Variants in CDH23 observed in about 807,000 individuals in gnomAD.
CDH23 encodes the protein cadherin related 23.
In CDH23, 189 loss-of-function variants were observed where a neutral mutation model predicts 317.1. The observed-to-expected ratio is 0.60, with a 90% CI of 0.53 to 0.67. The LOEUF is 0.67. Ranked by LOEUF, CDH23 falls within the 30% of genes least tolerant of loss-of-function variation. The pLI is 0.00. For synonymous variants in CDH23, 1,839 were observed against 1,876.8 expected, an observed-to-expected ratio of 0.98 and a Z score of 0.52; for missense variants, 4,401 against 4,592.4, an observed-to-expected ratio of 0.96 and a Z score of 1.20.
intron 14 of CDH23, among the ~76,000 whole-genome samples, chr10:71,661,020 G>C (rs958366536): frequency 1.3e-5 from 2 of 152,214 alleles, no homozygotes; most frequent in Admixed American, 1.3e-4. Flanking sequence ...GTAGATGAGA[G>C]CACTGAGTTT....
chr10:71,754,993 T>C, intron 38 of CDH23: 2 of 439,564 alleles, frequency 4.5e-6, no homozygotes, highest in East Asian at 6.7e-5. Context: ...TTGCTACTAA[T>C]TACAAAACAA....
intron 3 of CDH23, among the ~76,000 whole-genome samples, chr10:71,454,346 G>A (rs975728524): frequency 1.3e-5 from 2 of 152,158 alleles, no homozygotes; most frequent in Admixed American, 6.5e-5. Flanking sequence ...ATTTAAACTC[G>A]CTCGCTTGCT....
rs549630154 is a variant in CDH23, at chr10:71,580,832, C to G, written c.832+2840C>G. On this transcript the variant is annotated intron_variant, in intron 9 of 69. Coordinates refer to ENST00000224721, the MANE Select transcript of CDH23 (RefSeq NM_022124.6). ...GTAAGAAAGGTAGGTAAGGGTGGCT[C>G]AACAGGGCTGCCCCCACCCCCCATT... 1.2e-4 allele frequency among the ~76,000 whole-genome samples: 19 copies of G among 152,184 alleles called. No homozygotes were observed. The East Asian group carries it at 1.4e-3, about 11-fold the overall frequency.
chr10:71,448,884 G>A (rs1383496568), intron 3 of CDH23, among the ~76,000 whole-genome samples: 1 of 152,186 alleles, frequency 6.6e-6, no homozygotes, highest in African/African-American at 2.4e-5. Flanking sequence ...CCCACCAGCA[G>A]GCCAGGGAGA....
At position 71,490,727 on chromosome 10, in the gene CDH23, T is replaced by C. The variant is rs557483540; in HGVS notation, c.146-19355T>C. Among the ~76,000 whole-genome samples, 233 of 152,402 alleles carry C rather than the reference T, an allele frequency of 1.5e-3. 1 individual carries two copies. Among genetic ancestry groups the C allele is most frequent in the African/African-American group, 5.5e-3 (229 of 41,600 alleles). Reference sequence around the variant, plus strand: ...CGACTGACACTTATTGAACATGGACTTATGTGTTTGTTAGACACTTTTTAA... The same window carrying C: ...CGACTGACACTTATTGAACATGGACCTATGTGTTTGTTAGACACTTTTTAA... On this transcript the variant is annotated intron_variant, in intron 3 of 69. Coordinates refer to ENST00000224721, the MANE Select transcript of CDH23 (RefSeq NM_022124.6).
chr10:71,578,873 A>G (rs780106318), intron 9 of CDH23, among the ~76,000 whole-genome samples: 1 of 152,130 alleles, frequency 6.6e-6, no homozygotes, highest in Non-Finnish European at 1.5e-5. Flanking sequence ...ATACCCCCAC[A>G]TCCCCAGAAC....
At chr10:71,762,543 C>T (rs1422796835) in intron 38 of CDH23, among the ~76,000 whole-genome samples, 1 of 152,254 alleles carries the variant, frequency 6.6e-6, no homozygotes, top group Non-Finnish European at 1.5e-5. Flanking sequence ...ATGCTGAATG[C>T]ATGGCCTCCC....
At chr10:71,664,522 G>A (rs1268560570) in intron 14 of CDH23, among the ~76,000 whole-genome samples, 1 of 152,306 alleles carries the variant, frequency 6.6e-6, no homozygotes, top group South Asian at 2.1e-4. Context: ...GGACAGGCAG[G>A]TGGGAGGGCT....
At chr10:71,675,064 G>A (rs762789397) in intron 14 of CDH23, 48 bp from the exon 15 acceptor site, 85 of 1,559,370 alleles carry the variant, frequency 5.5e-5, no homozygotes, top group Non-Finnish European at 7.1e-5. Flanking sequence ...TGGACCTGAA[G>A]CCTCAGCTGG....
Position 71,779,369 on chromosome 10 carries a change from T to C in CDH23, c.5290T>C (p.Trp1764Arg), listed in dbSNP as rs1840895361. Residue 1764 changes from tryptophan (W) to arginine (R), a missense_variant, in exon 41 of 70, where the codon TGG becomes CGG. Physicochemically the swap from Trp to Arg is moderately radical, Grantham distance 101 (BLOSUM62 -3). Transcript: ENST00000224721. The part of the protein sequence containing the change: ...VTEGQPGPRV[W>R]TFLAHDRDSG... ...TGAGGGCCAGCCGGGGCCCAGAGTG[T>C]GGACCTTCCTGGCCCATGACCGAGA... is the stretch of plus-strand genomic sequence containing the variant. 6.2e-7 allele frequency: 1 copy of C among 1,613,794 alleles called. No homozygotes were observed. Among genetic ancestry groups the C allele is most frequent in the African/African-American group, 1.3e-5 (1 of 74,910 alleles).
chr10:71,460,657 C>T (rs755580), intron 3 of CDH23, among the ~76,000 whole-genome samples: 2,142 of 152,306 alleles, frequency 0.014, 59 homozygotes, highest in African/African-American at 0.049. Context: ...CCGACAGGGC[C>T]CAGACACCCT....
Position 71,646,561 on chromosome 10 carries a change from TACA to T in CDH23, c.1397_1399del (p.Asn466del), listed in dbSNP as rs767733165. The T allele has an allele frequency of 6.2e-7, 1 of 1,613,880 alleles. No homozygotes were observed. Among genetic ancestry groups the T allele is most frequent in the African/African-American group, 1.3e-5 (1 of 74,910 alleles). On this transcript the variant is annotated inframe_deletion, in exon 14 of 70. Transcript: ENST00000224721. ...CCGGCCCATCTTCAGCCAGCCACTGTACAACATCAGCCTGTACGAGAACGTCAC... is the reference window on the plus strand; with the variant it reads ...CCGGCCCATCTTCAGCCAGCCACTGTACATCAGCCTGTACGAGAACGTCAC...
chr10:71,779,624 C>T (rs548762390), intron 41 of CDH23, among the ~76,000 whole-genome samples, 177 bp downstream of exon 41: 1 of 152,366 alleles, frequency 6.6e-6, no homozygotes, highest in African/African-American at 2.4e-5. Flanking sequence ...ACCTCTTATT[C>T]CCAGAGATGT....
intron 28 of CDH23, chr10:71,713,205 T>C (rs559216600): frequency 1.3e-6 from 1 of 779,276 alleles, no homozygotes; most frequent in South Asian, 1.3e-5. Flanking sequence ...CACAGAGCCC[T>C]TGGCCGAGGC....
rs545386310 is a variant in CDH23 at position 71,625,397 on chromosome 10, A to T, written c.1134+8004A>T. Among the ~76,000 whole-genome samples the T allele has an allele frequency of 7.7e-3, 228 of 29,676 alleles. 1 individual carries two copies. The highest frequency in any genetic ancestry group is 0.017 in the Middle Eastern group (1 of 58). The allele number at this position is 29,676 out of a possible 152,430, so 19.5% of individuals were successfully genotyped here. ...TGGAGAAAACATCACCAAATAAATTAAAAAAAAAAAAAAAAAAAAAAAAAA... is the reference window on the plus strand; with the variant it reads ...TGGAGAAAACATCACCAAATAAATTTAAAAAAAAAAAAAAAAAAAAAAAAA... On this transcript the variant is annotated intron_variant, in intron 11 of 69. Transcript: ENST00000224721.
At chr10:71,748,499 C>T (rs74720353) in intron 38 of CDH23, 4,466 of 152,390 alleles carry the variant, frequency 0.029, 126 homozygotes, top group African/African-American at 0.064. Context: ...CCTTCAGCCT[C>T]TCCCTGGGAG....
chr10:71,615,635 C>A lies in CDH23; in HGVS notation c.945+19C>A, dbSNP rs372878971. 1 of 1,554,978 alleles carries A rather than the reference C, an allele frequency of 6.4e-7. No individual in the cohort carries two copies. The highest frequency in any genetic ancestry group is 1.4e-5 in the African/African-American group (1 of 73,872). ...TGTGAAGGTGAGACCTGGGTGGGCA[C>A]CTTCACCCCAGGTAGAGGAGATGCC... On this transcript the variant is annotated intron_variant, in intron 10 of 69. Coordinates refer to ENST00000224721, the MANE Select transcript of CDH23 (RefSeq NM_022124.6).
chr10:71,698,852 C>A (rs1314620211), intron 22 of CDH23, among the ~76,000 whole-genome samples: 1 of 152,202 alleles, frequency 6.6e-6, no homozygotes, highest in African/African-American at 2.4e-5. Context: ...ATTAAGCAGG[C>A]AGCCTCTGGT....
chr10:71,726,072 T>C (rs1036433668), intron 30 of CDH23, among the ~76,000 whole-genome samples: 5 of 152,204 alleles, frequency 3.3e-5, no homozygotes, highest in African/African-American at 1.2e-4. Flanking sequence ...CAAATCAGCC[T>C]TAGTCCTCCC....
Sources: allele counts gnomAD v4.1 joint callset (sites outside exome capture counted in the v4.1 genomes callset), GRCh38; gene constraint gnomAD v4.1.1; transcripts MANE v1.5; gene names NCBI Gene and HGNC (gene_info 2026-07-23, HGNC 2026-07-21).